HIP1: variants seen among roughly 807,000 people sequenced by gnomAD.
The protein encoded by HIP1 is huntingtin-interacting protein 1.
A neutral mutation model predicts 147.6 loss-of-function variants in HIP1; 65 were observed. The observed-to-expected ratio is 0.44, with a 90% CI of 0.36 to 0.54. The LOEUF is 0.54. HIP1 is among the 20% of genes least tolerant of loss of function. The pLI, the probability that HIP1 is intolerant of heterozygous loss-of-function variation, is 0.00. For missense variants in HIP1, 1,061 were observed against 1,299.6 expected (o/e 0.82, Z 2.82); for synonymous variants, 479 against 504.0 (o/e 0.95, Z 0.67).
At chr7:75,719,514 AAAAAG>A (rs1801436356) in intron 1 of HIP1, among the ~76,000 whole-genome samples, 1 of 151,924 alleles carries the variant, frequency 6.6e-6, no homozygotes, top group Non-Finnish European at 1.5e-5. Flanking sequence ...AAAAAAAAAA[AAAAAG>A]AAGACTAATA....
chr7:75,658,718 C>T, intron 1 of HIP1, among the ~76,000 whole-genome samples: 1 of 151,876 alleles, frequency 6.6e-6, no homozygotes, highest in Non-Finnish European at 1.5e-5. Flanking sequence ...GAGTTCCAGA[C>T]CAGCCTGGCA....
chr7:75,583,590 C>G (rs1261591463), intron 5 of HIP1, among the ~76,000 whole-genome samples: 1 of 151,890 alleles, frequency 6.6e-6, no homozygotes, highest in Non-Finnish European at 1.5e-5. Context: ...TCTTGTTTCT[C>G]TCTCTTTTTT....
At chr7:75,600,497 G>C (rs1222727261) in intron 1 of HIP1, among the ~76,000 whole-genome samples, 3 of 152,100 alleles carry the variant, frequency 2.0e-5, no homozygotes. Context: ...TATCATGTAG[G>C]CTGTTTTCTT....
chr7:75,614,774 AT>A (rs35595200), intron 1 of HIP1, among the ~76,000 whole-genome samples: 4 of 151,418 alleles, frequency 2.6e-5, no homozygotes, highest in African/African-American at 4.9e-5. Flanking sequence ...TGAGAAACTG[AT>A]TTTTTTTTCT....
At chr7:75,720,862 A>T (rs1340480539) in intron 1 of HIP1, among the ~76,000 whole-genome samples, 1 of 151,960 alleles carries the variant, frequency 6.6e-6, no homozygotes, top group Non-Finnish European at 1.5e-5. Flanking sequence ...AACATGGAGA[A>T]ACCCAATCTC....
At chr7:75,695,034 A>G (rs1380899723) in intron 1 of HIP1, among the ~76,000 whole-genome samples, 1 of 152,168 alleles carries the variant, frequency 6.6e-6, no homozygotes, top group Non-Finnish European at 1.5e-5. Flanking sequence ...TTTGTTTCCT[A>G]AAGATTGCCT....
chr7:75,686,613 C>T (rs1800269008), intron 1 of HIP1, among the ~76,000 whole-genome samples: 1 of 151,950 alleles, frequency 6.6e-6, no homozygotes, highest in South Asian at 2.1e-4. Context: ...GAGGGATTTT[C>T]TTATCAACTG....
chr7:75,575,406 G>A lies in HIP1; in HGVS notation c.605-1505C>T, dbSNP rs1243121591. ...GCCTGGAAGGTGGAGGTTGCAGTGA[G>A]CTGAGACGGTGCCACTGCACTCCAG... On this transcript the variant is annotated intron_variant, in intron 7 of 30. Coordinates refer to ENST00000336926, the MANE Select transcript of HIP1 (RefSeq NM_005338.7). Among the ~76,000 whole-genome samples the A allele has an allele frequency of 2.0e-5, 3 of 152,170 alleles. No individual in the cohort carries two copies. In the East Asian group the frequency reaches 5.8e-4, roughly 29 times the overall value.
chr7:75,731,252 G>A (rs1801828398), intron 1 of HIP1, among the ~76,000 whole-genome samples: 1 of 151,774 alleles, frequency 6.6e-6, no homozygotes. Flanking sequence ...GGAGGCCAAG[G>A]TGGGCGGATC....
At chr7:75,699,714 T>C (rs1270181236) in intron 1 of HIP1, among the ~76,000 whole-genome samples, 2 of 152,210 alleles carry the variant, frequency 1.3e-5, no homozygotes, top group Non-Finnish European at 2.9e-5. Context: ...TTCAAGCCCC[T>C]GATCCGGGTC....
chr7:75,693,767 CG>C (rs1554518456), intron 1 of HIP1, among the ~76,000 whole-genome samples: 1 of 66,332 alleles, frequency 1.5e-5, no homozygotes, highest in Non-Finnish European at 2.7e-5. Context: ...CCCAGCTACT[CG>C]GGGGAAGGGA....
At chr7:75,574,704 G>A (rs1795776691) in intron 7 of HIP1, among the ~76,000 whole-genome samples, 1 of 152,242 alleles carries the variant, frequency 6.6e-6, no homozygotes, top group Admixed American at 6.5e-5. Flanking sequence ...TTGCTCTTGA[G>A]AGTCAGAATA....
Position 75,557,663 on chromosome 7 carries a change from G to A in HIP1, c.1572C>T (p.Gly524=), listed in dbSNP as rs374843885. ...TCCTCGTCCCACTCACCTTCCGCTG[G>A]CCCTGGTCACTGATGCGCTCCAACG... ...EDSLERISDQ[G]QRKTQEQLEV... Residue 524 remains glycine (G), a synonymous_variant, in exon 16 of 31, where the codon GGC becomes GGT. Coordinates refer to ENST00000336926, the MANE Select transcript of HIP1 (RefSeq NM_005338.7). The A allele has an allele frequency of 1.2e-5, 20 of 1,612,036 alleles. No homozygotes were observed. The highest frequency in any genetic ancestry group is 1.6e-5 in the Non-Finnish European group (19 of 1,178,428).
In HIP1 at chr7:75,722,463, A is replaced by C. The variant is rs144424792; in HGVS notation, c.120+16338T>G. On this transcript the variant is annotated intron_variant, in intron 1 of 30. Coordinates refer to ENST00000336926, the MANE Select transcript of HIP1 (RefSeq NM_005338.7). ...GGCAGGGACCAGGCAGATCAGAGAC[A>C]GCCACAGCTTGGAGAAGTAAGACTT... 5.9e-5 allele frequency among the ~76,000 whole-genome samples: 9 copies of C among 152,350 alleles called. No homozygotes were observed. The East Asian group carries it at 1.7e-3, about 29-fold the overall frequency.
chr7:75,632,287 A>C (rs141811051), intron 1 of HIP1, among the ~76,000 whole-genome samples: 4 of 152,272 alleles, frequency 2.6e-5, no homozygotes, highest in African/African-American at 7.2e-5. Flanking sequence ...CTACGTAAAA[A>C]GGGGGTATTC....
intron 1 of HIP1, among the ~76,000 whole-genome samples, chr7:75,659,154 T>A (rs1330190441): frequency 2.0e-5 from 3 of 152,152 alleles, no homozygotes; most frequent in Non-Finnish European, 4.4e-5. Flanking sequence ...ACCAGAGCAA[T>A]CTTGCAAATG....
intron 22 of HIP1, among the ~76,000 whole-genome samples, chr7:75,549,246 C>T (rs1326050888): frequency 6.6e-6 from 1 of 152,156 alleles, no homozygotes; most frequent in South Asian, 2.1e-4. Context: ...GCTGCCTCCC[C>T]CTGCAAGGCC....
intron 1 of HIP1, among the ~76,000 whole-genome samples, chr7:75,611,193 G>A (rs1335144290): frequency 1.3e-5 from 2 of 151,520 alleles, no homozygotes; most frequent in East Asian, 2.0e-4. Flanking sequence ...TACGCCAGGT[G>A]CGGTGGCTCA....
intron 1 of HIP1, among the ~76,000 whole-genome samples, chr7:75,685,426 C>A (rs145121295): frequency 1.1e-3 from 163 of 152,344 alleles, no homozygotes; most frequent in Admixed American, 1.5e-3. Flanking sequence ...GTGCTCCCTA[C>A]GGTTCACATT....
Sources: gnomAD v4.1 joint callset for allele counts (sites outside exome capture counted in the v4.1 genomes callset) on GRCh38, gnomAD v4.1.1 for gene constraint, MANE v1.5 for transcripts, NCBI Gene and HGNC (gene_info 2026-07-23, HGNC 2026-07-21) for gene names.